The following ROBO1 variants were observed in gnomAD, a reference collection of about 807,000 sequenced individuals.
ROBO1 encodes roundabout guidance receptor 1.
A neutral mutation model predicts 195.9 loss-of-function variants in ROBO1; 149 were observed. The observed-to-expected ratio is 0.76, with a 90% CI of 0.67 to 0.87. The LOEUF is 0.87. Ranked by LOEUF, ROBO1 falls within the 40% of genes least tolerant of loss-of-function variation. The pLI, the probability that ROBO1 is intolerant of heterozygous loss-of-function variation, is 0.00. For synonymous variants in ROBO1, 816 were observed against 733.2 expected, an observed-to-expected ratio of 1.11 and a Z score of -1.82; for missense variants, 1,933 against 2,068.3, an observed-to-expected ratio of 0.93 and a Z score of 1.27.
intron 2 of ROBO1, among the ~76,000 whole-genome samples, chr3:79,487,482 TG>T (rs1179285778): frequency 3.9e-5 from 6 of 152,196 alleles, no homozygotes; most frequent in Non-Finnish European, 1.5e-5. Flanking sequence ...CCCAAAATGC[TG>T]GGATTACAGG....
chr3:78,635,786 G>A lies in ROBO1; in HGVS notation c.3360C>T (p.Asn1120=), dbSNP rs1335028660. 6 of 1,613,566 alleles carry A rather than the reference G, an allele frequency of 3.7e-6. No individual in the cohort carries two copies. The highest frequency in any genetic ancestry group is 5.1e-6 in the Non-Finnish European group (6 of 1,179,620). ...AAGCCTCTTCACCTTTGTTCAGCTT[G>A]TTTTGCTCCACGATGTTGTACTGAA... is the stretch of plus-strand genomic sequence containing the variant. ...APVQYNIVEQ[N]KLNKDYRAND... is the part of the protein sequence containing the mutation. The change falls in exon 23 of 31, where the codon AAC becomes AAT. Residue 1120 remains asparagine, a synonymous_variant. Coordinates refer to ENST00000464233, the MANE Select transcript of ROBO1 (RefSeq NM_002941.4).
chr3:79,579,411 C>G (rs987027889), intron 2 of ROBO1, among the ~76,000 whole-genome samples: 1 of 151,962 alleles, frequency 6.6e-6, no homozygotes, highest in Non-Finnish European at 1.5e-5. Context: ...AGGAAGACAC[C>G]CTTAGGTAGA....
intron 2 of ROBO1, among the ~76,000 whole-genome samples, chr3:79,213,525 G>A (rs2082001965): frequency 6.6e-6 from 1 of 151,912 alleles, no homozygotes; most frequent in South Asian, 2.1e-4. Context: ...CCACTTTGAA[G>A]GTAGAAATAA....
At chr3:78,695,210 T>C (rs932399638) in intron 8 of ROBO1, among the ~76,000 whole-genome samples, 1 of 152,058 alleles carries the variant, frequency 6.6e-6, no homozygotes, top group Non-Finnish European at 1.5e-5. Context: ...ATGGCACATG[T>C]ATACATATGT....
At chr3:79,153,190 T>C (rs1159029512) in intron 2 of ROBO1, among the ~76,000 whole-genome samples, 1 of 151,662 alleles carries the variant, frequency 6.6e-6, no homozygotes, top group Non-Finnish European at 1.5e-5. Flanking sequence ...TAGGGAAAAG[T>C]ATAATTCAAG....
In ROBO1 at chr3:79,017,450, A is replaced by AGTGTGTGTGTGT. The variant is rs60522056; in HGVS notation, c.173-78535_173-78524dup. ...TGTGACTATAAAAATTCCGAGGTGC[A>AGTGTGTGTGTGT]GTGTGTGTGTGTGTGTGTGTGTGTG... On this transcript the variant is annotated intron_variant, in intron 3 of 30. Coordinates refer to ENST00000464233, the MANE Select transcript of ROBO1 (RefSeq NM_002941.4). Among the ~76,000 whole-genome samples the AGTGTGTGTGTGT allele has an allele frequency of 2.0e-3, 269 of 133,508 alleles. 2 individuals carry two copies. The highest frequency in any genetic ancestry group is 4.6e-3 in the Admixed American group (60 of 13,124). 87.6% of individuals were successfully genotyped at this position (133,508 alleles called of 152,430 possible).
intron 8 of ROBO1, among the ~76,000 whole-genome samples, chr3:78,695,004 C>T (rs2081253988): frequency 6.6e-6 from 1 of 151,100 alleles, no homozygotes; most frequent in Admixed American, 6.6e-5. Flanking sequence ...TGGAAAGCAC[C>T]TAATTTAAAA....
intron 2 of ROBO1, among the ~76,000 whole-genome samples, chr3:79,199,342 A>G (rs1024781588): frequency 2.0e-5 from 3 of 151,806 alleles, no homozygotes; most frequent in Non-Finnish European, 4.4e-5. Flanking sequence ...CATTTCTAAG[A>G]AGAGAAATGA....
intron 2 of ROBO1, among the ~76,000 whole-genome samples, chr3:79,470,221 T>A (rs887744953): frequency 6.6e-6 from 1 of 152,146 alleles, no homozygotes; most frequent in Non-Finnish European, 1.5e-5. Flanking sequence ...CATGGAATAC[T>A]ATGCAGCCAT....
At chr3:78,831,717 T>G (rs162818) in intron 4 of ROBO1, among the ~76,000 whole-genome samples, 105,294 of 152,066 alleles carry the variant, frequency 0.69, 36,640 homozygotes, top group Middle Eastern at 0.81. Flanking sequence ...AAGGAAAGAG[T>G]TTTAATTGAC....
chr3:79,158,356 CAT>C (rs35273386), intron 2 of ROBO1, among the ~76,000 whole-genome samples: 2 of 150,978 alleles, frequency 1.3e-5, no homozygotes, highest in African/African-American at 4.8e-5. Context: ...GTATGTAACA[CAT>C]ATTTTCTGTA....
intron 3 of ROBO1, among the ~76,000 whole-genome samples, chr3:79,092,988 AAACT>A (rs1431136515): frequency 6.6e-6 from 1 of 152,190 alleles, no homozygotes; most frequent in African/African-American, 2.4e-5. Context: ...TTTTGTGTGT[AAACT>A]AACATTTGCT....
chr3:79,463,300 A>G (rs1305836983), intron 2 of ROBO1, among the ~76,000 whole-genome samples: 2 of 151,738 alleles, frequency 1.3e-5, no homozygotes, highest in Admixed American at 6.6e-5. Flanking sequence ...GCGTGAACCC[A>G]GGAGTCAGAG....
chr3:78,602,732 C>T (rs1403409966), intron 29 of ROBO1, among the ~76,000 whole-genome samples: 2 of 151,832 alleles, frequency 1.3e-5, no homozygotes, highest in African/African-American at 4.8e-5. Context: ...TAAACTATGC[C>T]CCAAACCTTA....
At chr3:79,225,970 A>G (rs2082220753) in intron 2 of ROBO1, among the ~76,000 whole-genome samples, 1 of 152,154 alleles carries the variant, frequency 6.6e-6, no homozygotes, top group Non-Finnish European at 1.5e-5. Context: ...CAGTCACATT[A>G]GCATTGCCTA....
At chr3:79,634,682 C>T (rs1945444022) in intron 1 of ROBO1, among the ~76,000 whole-genome samples, 1 of 151,854 alleles carries the variant, frequency 6.6e-6, no homozygotes, top group African/African-American at 2.4e-5. Flanking sequence ...TTTATCTAAG[C>T]CATTAAAATT....
chr3:79,331,679 G>A (rs1028843605), intron 2 of ROBO1, among the ~76,000 whole-genome samples: 4 of 152,022 alleles, frequency 2.6e-5, no homozygotes, highest in Non-Finnish European at 4.4e-5. Flanking sequence ...GTCAAATAAC[G>A]GAGGTAGATT....
intron 4 of ROBO1, among the ~76,000 whole-genome samples, chr3:78,894,777 T>C (rs774377711): frequency 3.9e-5 from 6 of 152,190 alleles, no homozygotes; most frequent in Non-Finnish European, 8.8e-5. Context: ...AAGACAAGAA[T>C]AGAGTCTTTC....
chr3:79,611,747 G>A (rs1445747395), intron 1 of ROBO1, among the ~76,000 whole-genome samples: 3 of 152,026 alleles, frequency 2.0e-5, no homozygotes, highest in Non-Finnish European at 4.4e-5. Context: ...GGGAGTGGGG[G>A]GACTAAGGGA....
Sources: allele counts gnomAD v4.1 joint callset (sites outside exome capture counted in the v4.1 genomes callset), GRCh38; gene constraint gnomAD v4.1.1; transcripts MANE v1.5; gene names NCBI Gene and HGNC (gene_info 2026-07-23, HGNC 2026-07-21).